RAD52: variants seen among roughly 807,000 people sequenced by gnomAD.
RAD52 encodes RAD52 DNA repair protein.
In RAD52, 47 loss-of-function variants were observed where a neutral mutation model predicts 55.5. That is an observed-to-expected ratio of 0.85 (90% CI 0.67 to 1.08). The LOEUF (loss-of-function observed/expected upper bound fraction) is 1.08. Among genes scored for constraint, RAD52 ranks in the 50% least tolerant of loss-of-function variants. The pLI is 0.00. For missense variants in RAD52, 468 were observed against 522.8 expected (o/e 0.90, Z 1.02); for synonymous variants, 184 against 198.9 (o/e 0.92, Z 0.63).
chr12:913,818 C>T (rs1224158759), intron 11 of RAD52, 76 bp downstream of exon 11: 3 of 1,330,954 alleles, frequency 2.3e-6, no homozygotes, highest in Middle Eastern at 3.7e-4. Flanking sequence ...AATGAAATGT[C>T]ATCCTTCCTC....
intron 1 of RAD52, among the ~76,000 whole-genome samples, chr12:942,136 G>A (rs1370984902): frequency 6.6e-6 from 1 of 152,114 alleles, no homozygotes; most frequent in East Asian, 1.9e-4. Context: ...AGAGGATTTA[G>A]AATATTCACA....
rs11571410 is a variant in RAD52 at position 931,029 on chromosome 12, T to C, written c.186+191A>G. The stretch of plus-strand genomic sequence containing the variant: ...TCTTAAGACGGCGGTTATGCGAGTG[T>C]CAAGACCATGCCCAGGCCCCTTCGG... On this transcript the variant is annotated intron_variant, in intron 3 of 11. Transcript: ENST00000358495. Among the ~76,000 whole-genome samples the C allele has an allele frequency of 1.9e-3, 281 of 151,452 alleles. 1 individual carries two copies. The highest frequency in any genetic ancestry group is 6.7e-3 in the African/African-American group (275 of 41,302).
chr12:949,961 T>C (rs761698977), upstream of RAD52, among the ~76,000 whole-genome samples: 25 of 152,308 alleles, frequency 1.6e-4, no homozygotes, highest in Non-Finnish European at 1.2e-4. Flanking sequence ...GTCGGATCTC[T>C]GCTGCCCCCT....
chr12:914,146 T>C (rs1351947470), intron 10 of RAD52, 25 bp from the exon 11 acceptor site: 1 of 1,585,008 alleles, frequency 6.3e-7, no homozygotes, highest in Admixed American at 1.7e-5. Flanking sequence ...GAAAAGTGCG[T>C]CATCAGCAAA....
chr12:973,565 A>G (rs1336337133), intron 1 of RAD52, among the ~76,000 whole-genome samples: 1 of 143,174 alleles, frequency 7.0e-6, no homozygotes, highest in Non-Finnish European at 1.5e-5. Context: ...GCAATCTCCA[A>G]CTCCCTGGCT....
intron 1 of RAD52, among the ~76,000 whole-genome samples, chr12:983,034 A>G (rs1056054377): frequency 6.6e-6 from 1 of 151,670 alleles, no homozygotes; most frequent in Non-Finnish European, 1.5e-5. Flanking sequence ...ATTTTTAGTG[A>G]AGACAAGGTT....
At chr12:986,700 G>C (rs188672410) in intron 1 of RAD52, among the ~76,000 whole-genome samples, 12 of 151,634 alleles carry the variant, frequency 7.9e-5, no homozygotes, top group African/African-American at 2.4e-4. Flanking sequence ...TTCATTAATA[G>C]GTTGGGTGTA....
chr12:915,491 T>G (rs1956309418), intron 9 of RAD52, among the ~76,000 whole-genome samples: 2 of 152,200 alleles, frequency 1.3e-5, no homozygotes, highest in African/African-American at 4.8e-5. Context: ...GCCCTTTCTC[T>G]GTTTCCACTC....
intron 8 of RAD52, 25 bp from the exon 9 acceptor site, chr12:916,508 A>C: frequency 6.2e-7 from 1 of 1,606,354 alleles, no homozygotes; most frequent in Non-Finnish European, 8.5e-7. Context: ...GGCGGCGAGG[A>C]CGGGCTCCTG....
At chr12:973,462 T>C (rs1958895157) in intron 1 of RAD52, among the ~76,000 whole-genome samples, 1 of 151,486 alleles carries the variant, frequency 6.6e-6, no homozygotes, top group African/African-American at 2.4e-5. Flanking sequence ...CTGGACATAA[T>C]CTAAAGGTAG....
intron 1 of RAD52, among the ~76,000 whole-genome samples, chr12:948,042 A>ACCTAGAAAG (rs1187461511): frequency 6.6e-6 from 1 of 151,662 alleles, no homozygotes; most frequent in African/African-American, 2.4e-5. Context: ...GGAGGACTAG[A>ACCTAGAAAG]CCTAGAAAGC....
upstream of RAD52, among the ~76,000 whole-genome samples, chr12:952,769 G>A (rs1241853829): frequency 6.7e-6 from 1 of 149,176 alleles, no homozygotes; most frequent in African/African-American, 2.5e-5. Flanking sequence ...GTGGGTGCCT[G>A]TAATCCCAGC....
chr12:929,615 T>C (rs1957218737), intron 5 of RAD52: 2 of 770,646 alleles, frequency 2.6e-6, no homozygotes, highest in South Asian at 1.4e-5. Context: ...AGGTGTCAGC[T>C]TGAACATGTG....
At chr12:954,782 A>G (rs1403667716) in intron 1 of RAD52, among the ~76,000 whole-genome samples, 2 of 152,236 alleles carry the variant, frequency 1.3e-5, no homozygotes, top group Non-Finnish European at 2.9e-5. Flanking sequence ...AAGCCTTGAT[A>G]GAGTACTCTT....
chr12:921,617 C>T (rs1956730000), intron 7 of RAD52, among the ~76,000 whole-genome samples: 2 of 151,878 alleles, frequency 1.3e-5, no homozygotes, highest in Non-Finnish European at 2.9e-5. Context: ...CCCAGGATGT[C>T]GAGGCTCCAG....
intron 9 of RAD52, among the ~76,000 whole-genome samples, chr12:915,503 C>CT (rs1260422317): frequency 3.3e-5 from 5 of 152,288 alleles, no homozygotes; most frequent in East Asian, 3.9e-4. Context: ...TTTCCACTCT[C>CT]TGAGTAAGGA....
chr12:917,985 C>A (rs750123952), intron 7 of RAD52, among the ~76,000 whole-genome samples: 1 of 152,010 alleles, frequency 6.6e-6, no homozygotes, highest in African/African-American at 2.4e-5. Flanking sequence ...CTGGCGATAC[C>A]AAGTGCTGTC....
intron 6 of RAD52, 143 bp from the exon 7 acceptor site, chr12:925,668 C>A (rs1956994688): frequency 3.0e-6 from 2 of 663,254 alleles, no homozygotes; most frequent in Non-Finnish European, 5.5e-6. Context: ...CCATTGATGT[C>A]TGGTAAGCAT....
At chr12:982,272 C>T (rs1371750002) in intron 1 of RAD52, among the ~76,000 whole-genome samples, 1 of 152,166 alleles carries the variant, frequency 6.6e-6, no homozygotes, top group Non-Finnish European at 1.5e-5. Flanking sequence ...TCCTGGCTTG[C>T]GCTGAGAAAG....
Sources: gnomAD v4.1 joint callset for allele counts (sites outside exome capture counted in the v4.1 genomes callset) on GRCh38, gnomAD v4.1.1 for gene constraint, MANE v1.5 for transcripts, NCBI Gene and HGNC (gene_info 2026-07-23, HGNC 2026-07-21) for gene names.